The following FAT3 variants were observed in gnomAD, a reference collection of about 807,000 sequenced individuals.
FAT3 encodes FAT atypical cadherin 3.
FAT3 carries 95 observed loss-of-function variants against 310.2 expected under a neutral mutation model. That is an observed-to-expected ratio of 0.31 (90% confidence interval 0.26 to 0.36). The LOEUF (loss-of-function observed/expected upper bound fraction) is 0.36, where lower values mean the gene tolerates loss of function less well. Among genes scored for constraint, FAT3 ranks in the 10% least tolerant of loss-of-function variants. FAT3 has a pLI of 1.00. For missense variants in FAT3, 5,408 were observed against 5,715.6 expected, an observed-to-expected ratio of 0.95 and a Z score of 1.74; for synonymous variants, 2,314 against 2,192.9, an observed-to-expected ratio of 1.06 and a Z score of -1.54.
At chr11:92,875,165 TA>T (rs11421964) in intron 22 of FAT3, among the ~76,000 whole-genome samples, 23 of 145,026 alleles carry the variant, frequency 1.6e-4, no homozygotes, top group Admixed American at 2.8e-4. Flanking sequence ...CTTCTTTCAC[TA>T]AAAAAAAAAT....
At chr11:92,411,421 G>C (rs1171031755) in intron 2 of FAT3, among the ~76,000 whole-genome samples, 1 of 151,930 alleles carries the variant, frequency 6.6e-6, no homozygotes, top group Non-Finnish European at 1.5e-5. Context: ...AGGTAAGTGT[G>C]GGGAGAGATT....
chr11:92,848,005 T>C lies in FAT3; in HGVS notation c.11365+3273T>C, dbSNP rs1030776954. On this transcript the variant is annotated intron_variant, in intron 19 of 27. Transcript: ENST00000525166. ...GTATTGGCTGCTCTTCTGTTTACTCTAGGAGGTCGGCAGATTCATTAGATG... is the reference window on the plus strand; with the variant it reads ...GTATTGGCTGCTCTTCTGTTTACTCCAGGAGGTCGGCAGATTCATTAGATG... Among the ~76,000 whole-genome samples, 3 of 152,078 alleles carry C rather than the reference T, an allele frequency of 2.0e-5. No individual in the cohort carries two copies. The East Asian group carries it at 5.8e-4, about 29-fold the overall frequency.
chr11:92,751,850 G>C (rs78351679), intron 4 of FAT3, among the ~76,000 whole-genome samples: 2,085 of 152,266 alleles, frequency 0.014, 22 homozygotes, highest in Middle Eastern at 0.041. Context: ...GCAAACCCGT[G>C]TTCTGTCACT....
intron 1 of FAT3, among the ~76,000 whole-genome samples, chr11:92,273,580 T>C (rs751859611): frequency 1.3e-5 from 2 of 152,226 alleles, no homozygotes; most frequent in Non-Finnish European, 2.9e-5. Flanking sequence ...TCAAAATAAT[T>C]TAGAAGCTGG....
At chr11:92,737,133 A>G (rs1945371270) in intron 4 of FAT3, among the ~76,000 whole-genome samples, 1 of 152,176 alleles carries the variant, frequency 6.6e-6, no homozygotes, top group African/African-American at 2.4e-5. Flanking sequence ...ATCTCACAGA[A>G]TCCTCAGTCA....
At chr11:92,629,957 C>A (rs1283562638) in intron 3 of FAT3, among the ~76,000 whole-genome samples, 1 of 152,086 alleles carries the variant, frequency 6.6e-6, no homozygotes, top group Non-Finnish European at 1.5e-5. Flanking sequence ...GGGTGTGACC[C>A]AAATCTTTGT....
chr11:92,697,329 C>G (rs1334191718), intron 3 of FAT3, 55 bp from the exon 4 acceptor site: 2 of 1,535,328 alleles, frequency 1.3e-6, no homozygotes, highest in Non-Finnish European at 1.8e-6. Flanking sequence ...TCCCCACACT[C>G]AGTAAGCTGT....
intron 3 of FAT3, among the ~76,000 whole-genome samples, chr11:92,604,309 T>G (rs1432221191): frequency 6.6e-6 from 1 of 152,208 alleles, no homozygotes; most frequent in African/African-American, 2.4e-5. Context: ...AATTATGACT[T>G]TGTACTCAGG....
At chr11:92,635,221 T>C (rs1202551296) in intron 3 of FAT3, among the ~76,000 whole-genome samples, 1 of 152,174 alleles carries the variant, frequency 6.6e-6, no homozygotes, top group Non-Finnish European at 1.5e-5. Flanking sequence ...CATACTATGA[T>C]GCTTAGATTC....
intron 3 of FAT3, among the ~76,000 whole-genome samples, chr11:92,680,130 G>GT (rs1943433662): frequency 1.3e-5 from 2 of 148,840 alleles, no homozygotes; most frequent in African/African-American, 5.0e-5. Context: ...TTCTATTTTT[G>GT]GTTTTTTTTT....
chr11:92,471,082 C>A (rs1050149616), intron 2 of FAT3, among the ~76,000 whole-genome samples: 5 of 152,038 alleles, frequency 3.3e-5, no homozygotes, highest in Non-Finnish European at 5.9e-5. Context: ...ATATGTCCAT[C>A]CCTTTGTGTT....
intron 4 of FAT3, among the ~76,000 whole-genome samples, chr11:92,730,026 C>T (rs1945131345): frequency 6.6e-6 from 1 of 151,972 alleles, no homozygotes. Flanking sequence ...ATAAAACATA[C>T]ATAACATATA....
chr11:92,674,726 G>T (rs191002605), intron 3 of FAT3, among the ~76,000 whole-genome samples: 1 of 151,782 alleles, frequency 6.6e-6, no homozygotes, highest in African/African-American at 2.4e-5. Context: ...ACGGGGTCTC[G>T]CTATGTTGCT....
intron 1 of FAT3, among the ~76,000 whole-genome samples, chr11:92,300,816 C>T (rs1222223001): frequency 6.6e-6 from 1 of 152,128 alleles, no homozygotes; most frequent in East Asian, 1.9e-4. Flanking sequence ...CAAATACATG[C>T]ATGACATTTA....
intron 2 of FAT3, among the ~76,000 whole-genome samples, chr11:92,443,656 A>G (rs1426622741): frequency 6.6e-6 from 1 of 152,196 alleles, no homozygotes; most frequent in East Asian, 1.9e-4. Flanking sequence ...TATCTCCTGA[A>G]GAGATTTTGC....
chr11:92,447,222 C>CGTGCGT (rs1951239039), intron 2 of FAT3, among the ~76,000 whole-genome samples: 4 of 146,298 alleles, frequency 2.7e-5, no homozygotes. Flanking sequence ...TATATGTGTG[C>CGTGCGT]GTGTGTGTGT....
intron 3 of FAT3, among the ~76,000 whole-genome samples, chr11:92,643,083 G>A (rs975816319): frequency 2.6e-5 from 4 of 152,124 alleles, no homozygotes; most frequent in African/African-American, 7.2e-5. Context: ...TTCTTATAAC[G>A]AAGCCAAATC....
chr11:92,284,173 G>A (rs1393879004), intron 1 of FAT3, among the ~76,000 whole-genome samples: 2 of 152,010 alleles, frequency 1.3e-5, no homozygotes, highest in Admixed American at 6.6e-5. Flanking sequence ...TATAGGAGGA[G>A]ACATTTGAGC....
intron 3 of FAT3, among the ~76,000 whole-genome samples, chr11:92,638,503 G>C (rs747264110): frequency 3.1e-4 from 47 of 152,180 alleles, no homozygotes; most frequent in Middle Eastern, 3.4e-3. Context: ...TTGGACTTTT[G>C]GAGCCCAGAT....
Sources: allele counts gnomAD v4.1 joint callset (sites outside exome capture counted in the v4.1 genomes callset), GRCh38; gene constraint gnomAD v4.1.1; transcripts MANE v1.5; gene names NCBI Gene and HGNC (gene_info 2026-07-23, HGNC 2026-07-21).